The following WDR7 variants were observed in gnomAD, a reference collection of about 807,000 sequenced individuals.
WDR7 encodes the protein WD repeat-containing protein 7.
Under a neutral mutation model 169.4 loss-of-function variants are expected in WDR7, and 46 were observed. The observed-to-expected ratio is 0.27, with a 90% CI of 0.21 to 0.35. The LOEUF is 0.35. Ranked by LOEUF, WDR7 falls within the 10% of genes least tolerant of loss-of-function variation. WDR7 has a pLI of 1.00. For missense variants in WDR7, 1,534 were observed against 1,859.3 expected, an observed-to-expected ratio of 0.83 and a Z score of 3.22; for synonymous variants, 612 against 666.8, an observed-to-expected ratio of 0.92 and a Z score of 1.27.
At chr18:56,816,166 G>A (rs1170515985) in intron 20 of WDR7, 22 bp downstream of exon 20, 4 of 1,583,478 alleles carry the variant, frequency 2.5e-6, no homozygotes, top group South Asian at 2.3e-5. Flanking sequence ...CATCTTTAAC[G>A]TCTGATTGGA....
chr18:56,990,180 A>G (rs2145854840), intron 26 of WDR7, among the ~76,000 whole-genome samples: 1 of 152,366 alleles, frequency 6.6e-6, no homozygotes, highest in East Asian at 1.9e-4. Context: ...CTGAAGACCC[A>G]AGAATTCTCC....
intron 20 of WDR7, among the ~76,000 whole-genome samples, chr18:56,879,160 A>T (rs926763517): frequency 2.6e-5 from 4 of 152,208 alleles, no homozygotes; most frequent in Admixed American, 1.3e-4. Context: ...TTGCTGGGCC[A>T]CATGGTAACC....
At chr18:57,034,397 T>C (rs1599262843), downstream of WDR7, 1 of 151,884 alleles carries the variant, frequency 6.6e-6, no homozygotes, top group Non-Finnish European at 1.5e-5. Flanking sequence ...AGAACACTGC[T>C]CCATAAACTT....
chr18:56,812,553 C>T (rs965540921), intron 19 of WDR7, among the ~76,000 whole-genome samples: 1 of 152,096 alleles, frequency 6.6e-6, no homozygotes, highest in Non-Finnish European at 1.5e-5. Context: ...AAGTGGGAGA[C>T]CCAGCGAAGC....
At chr18:56,978,559 G>A (rs2047599006) in intron 26 of WDR7, among the ~76,000 whole-genome samples, 1 of 152,162 alleles carries the variant, frequency 6.6e-6, no homozygotes, top group Admixed American at 6.5e-5. Flanking sequence ...CCCAGTCAAG[G>A]GAAAATAATC....
chr18:56,917,650 G>A (rs1057396576), intron 21 of WDR7, among the ~76,000 whole-genome samples: 2 of 152,116 alleles, frequency 1.3e-5, no homozygotes, highest in Admixed American at 1.3e-4. Context: ...TTTTTCACTG[G>A]TCGGTTCATG....
chr18:56,672,114 T>G (rs1446354942), intron 1 of WDR7, among the ~76,000 whole-genome samples: 1 of 152,200 alleles, frequency 6.6e-6, no homozygotes, highest in African/African-American at 2.4e-5. Flanking sequence ...AAAAGGCTGT[T>G]TTGAGAATCA....
At chr18:56,824,521 G>A (rs536301843) in intron 20 of WDR7, among the ~76,000 whole-genome samples, 4 of 152,308 alleles carry the variant, frequency 2.6e-5, no homozygotes, top group Middle Eastern at 6.8e-3. Context: ...ATTTCAAGCA[G>A]CACTCCTTAT....
chr18:56,842,587 G>A (rs1033021735), intron 20 of WDR7, among the ~76,000 whole-genome samples: 4 of 152,150 alleles, frequency 2.6e-5, no homozygotes, highest in African/African-American at 9.7e-5. Context: ...TATTGTATAG[G>A]AGACTGTAAG....
intron 10 of WDR7, 62 bp from the exon 11 acceptor site, chr18:56,694,888 G>A: frequency 1.3e-6 from 2 of 1,555,362 alleles, no homozygotes; most frequent in African/African-American, 2.8e-5. Context: ...TTATTTTAAT[G>A]TTTTAAATTT....
intron 14 of WDR7, among the ~76,000 whole-genome samples, chr18:56,746,762 A>T (rs558251380): frequency 6.6e-6 from 1 of 152,250 alleles, no homozygotes; most frequent in East Asian, 1.9e-4. Context: ...ATTTCTCTGT[A>T]TCAGAGTTTC....
At chr18:56,943,418 T>C (rs1166572306) in intron 25 of WDR7, among the ~76,000 whole-genome samples, 1 of 152,152 alleles carries the variant, frequency 6.6e-6, no homozygotes, top group African/African-American at 2.4e-5. Context: ...ACCTCTTTAA[T>C]GTTGCCTTAT....
At chr18:56,965,694 T>C (rs1261148125) in intron 26 of WDR7, among the ~76,000 whole-genome samples, 1 of 152,160 alleles carries the variant, frequency 6.6e-6, no homozygotes, top group Non-Finnish European at 1.5e-5. Context: ...AAAACTGTTT[T>C]GTGGTCCACA....
chr18:56,654,239 C>T (rs2024717497), intron 1 of WDR7, among the ~76,000 whole-genome samples: 1 of 152,112 alleles, frequency 6.6e-6, no homozygotes, highest in Admixed American at 6.5e-5. Flanking sequence ...TCAAGCGATT[C>T]TCCTGCCTTA....
chr18:56,690,642 C>T (rs1353835642), intron 7 of WDR7, among the ~76,000 whole-genome samples: 3 of 151,726 alleles, frequency 2.0e-5, no homozygotes, highest in African/African-American at 7.3e-5. Flanking sequence ...TGGTGAGACC[C>T]TGTCTCTACA....
intron 25 of WDR7, among the ~76,000 whole-genome samples, chr18:56,959,054 G>A (rs553082269): frequency 6.6e-6 from 1 of 152,100 alleles, no homozygotes; most frequent in South Asian, 2.1e-4. Context: ...ATGGGTAAAA[G>A]GCTGTTGTGT....
intron 20 of WDR7, among the ~76,000 whole-genome samples, chr18:56,853,022 A>G (rs748745348): frequency 2.6e-5 from 4 of 152,154 alleles, no homozygotes; most frequent in Admixed American, 1.3e-4. Flanking sequence ...AACATTATTT[A>G]TTGTTTAAGA....
intron 27 of WDR7, among the ~76,000 whole-genome samples, chr18:57,021,421 A>G (rs1002133399): frequency 6.6e-6 from 1 of 152,184 alleles, no homozygotes; most frequent in African/African-American, 2.4e-5. Context: ...ATAGGATAAT[A>G]AGGTGTTTTC....
chr18:56,955,975 G>C (rs1353260493), intron 25 of WDR7, among the ~76,000 whole-genome samples: 1 of 152,152 alleles, frequency 6.6e-6, no homozygotes, highest in Non-Finnish European at 1.5e-5. Flanking sequence ...GATTGCTGAT[G>C]CCTGGATAGC....
Sources: allele counts gnomAD v4.1 joint callset (sites outside exome capture counted in the v4.1 genomes callset), GRCh38; gene constraint gnomAD v4.1.1; transcripts MANE v1.5; gene names NCBI Gene and HGNC (gene_info 2026-07-23, HGNC 2026-07-21).